Variants in DROSHA observed in about 807,000 individuals in gnomAD.
DROSHA encodes drosha ribonuclease III.
In DROSHA, 56 loss-of-function variants were observed where a neutral mutation model predicts 181.9. The observed-to-expected ratio is 0.31, with a 90% CI of 0.25 to 0.38. The LOEUF (loss-of-function observed/expected upper bound fraction) is 0.38. Ranked by LOEUF, DROSHA falls within the 10% of genes least tolerant of loss-of-function variation. DROSHA has a pLI of 1.00. For synonymous variants in DROSHA, 524 were observed against 591.2 expected (o/e 0.89, Z 1.65); for missense variants, 1,218 against 1,743.5 (o/e 0.70, Z 5.37).
chr5:31,484,052 A>C (rs1751389786), intron 15 of DROSHA, among the ~76,000 whole-genome samples: 2 of 152,186 alleles, frequency 1.3e-5, no homozygotes, highest in African/African-American at 2.4e-5. Flanking sequence ...TTCACCAATA[A>C]ATAAGTAACT....
At chr5:31,529,387 A>G (rs796776578) in intron 3 of DROSHA, among the ~76,000 whole-genome samples, 4 of 152,328 alleles carry the variant, frequency 2.6e-5, no homozygotes, top group African/African-American at 9.6e-5. Flanking sequence ...AAGACTTGGG[A>G]AAAATATCAT....
At chr5:31,410,936 C>T in intron 30 of DROSHA, 49 bp from the exon 31 acceptor site, 1 of 1,606,342 alleles carries the variant, frequency 6.2e-7, no homozygotes, top group Non-Finnish European at 8.5e-7. Context: ...CACTTTTGAC[C>T]TCTCTTATTC....
intron 9 of DROSHA, among the ~76,000 whole-genome samples, chr5:31,509,277 T>A (rs1738382971): frequency 6.8e-6 from 1 of 148,132 alleles, no homozygotes; most frequent in Non-Finnish European, 1.5e-5. Flanking sequence ...TAATGCTAAG[T>A]CACAATCTAG....
intron 23 of DROSHA, 123 bp from the exon 24 acceptor site, chr5:31,437,421 T>G: frequency 4.9e-6 from 4 of 814,320 alleles, no homozygotes; most frequent in Non-Finnish European, 5.6e-6. Flanking sequence ...ACCTTCCCTA[T>G]TCCTCATAAT....
chr5:31,401,052 G>A lies in DROSHA; in HGVS notation c.*380C>T, dbSNP rs1739948783. 3.8e-6 allele frequency: 1 copy of A among 262,660 alleles called. No individual in the cohort carries two copies. Among genetic ancestry groups the A allele is most frequent in the Non-Finnish European group, 7.5e-6 (1 of 132,796 alleles). 16.3% of individuals were successfully genotyped at this position (262,660 alleles called of 1,614,324 possible). On this transcript the variant is annotated 3_prime_UTR_variant, in exon 36 of 36. Coordinates refer to ENST00000344624, the MANE Select transcript of DROSHA (RefSeq NM_001382508.1). ...AAAGGATAGATGTTACTAGAGCACA[G>A]TCAAAATGTCTAGTAAAGTCAATTT...
At chr5:31,526,941 GT>G (rs1561302474) in intron 4 of DROSHA, 29 bp from the exon 5 acceptor site, 1 of 1,585,156 alleles carries the variant, frequency 6.3e-7, no homozygotes. Flanking sequence ...AAAGGGAAAA[GT>G]TTTTTTAAAA....
chr5:31,529,460 G>C (rs1740965567), intron 3 of DROSHA, among the ~76,000 whole-genome samples: 1 of 152,124 alleles, frequency 6.6e-6, no homozygotes, highest in African/African-American at 2.4e-5. Context: ...CATAGGCCGG[G>C]CATGGTAGTT....
In DROSHA at chr5:31,401,282, G is replaced by T; in HGVS notation, c.*150C>A. On this transcript the variant is annotated 3_prime_UTR_variant, in exon 36 of 36. Coordinates refer to ENST00000344624, the MANE Select transcript of DROSHA (RefSeq NM_001382508.1). Reference sequence around the variant, plus strand: ...AATAAAGACCATCCAGCTAAAAACAGATCATTAAAACAACAATAGCGATTT... The same window carrying T: ...AATAAAGACCATCCAGCTAAAAACATATCATTAAAACAACAATAGCGATTT... The T allele has an allele frequency of 9.0e-7, 1 of 1,107,418 alleles. No homozygotes were observed. Among genetic ancestry groups the T allele is most frequent in the Non-Finnish European group, 1.3e-6 (1 of 744,960 alleles). 68.6% of individuals were successfully genotyped at this position (1,107,418 alleles called of 1,614,324 possible).
At chr5:31,434,297 C>T (rs1464687227) in intron 25 of DROSHA, among the ~76,000 whole-genome samples, 1 of 152,184 alleles carries the variant, frequency 6.6e-6, no homozygotes, top group Non-Finnish European at 1.5e-5. Flanking sequence ...AAACTAAAAA[C>T]AATAAGGAAT....
In DROSHA at chr5:31,470,461, A is replaced by AC. The variant is rs72509621; in HGVS notation, c.2241+1601dup. Among the ~76,000 whole-genome samples the AC allele has an allele frequency of 0.018, 2,667 of 152,020 alleles. 81 individuals carry two copies. The highest frequency in any genetic ancestry group is 0.049 in the African/African-American group (2,020 of 41,444). The stretch of plus-strand genomic sequence containing the variant: ...TGCAAAAATAGTTGCGGTATGGCAG[A>AC]CCCCCGCAACTACTTTTGTGCCAGC... On this transcript the variant is annotated intron_variant, in intron 17 of 35. Transcript: ENST00000344624. This position sits in a 1 kb window ranked among gnomAD's most constrained non-coding sequence, Gnocchi z 4.0.
At chr5:31,483,454 T>C (rs905843408) in intron 16 of DROSHA, 100 bp downstream of exon 16, 4 of 1,120,622 alleles carry the variant, frequency 3.6e-6, no homozygotes, top group Admixed American at 4.2e-5. Context: ...ATTAACAGTA[T>C]CGAAGGTGGG....
intron 26 of DROSHA, among the ~76,000 whole-genome samples, chr5:31,430,965 G>A (rs113696429): frequency 3.8e-4 from 58 of 152,182 alleles, no homozygotes; most frequent in African/African-American, 1.4e-3. Flanking sequence ...ACTTGCAGTC[G>A]CCAGCTAATT....
Position 31,526,332 on chromosome 5 carries a change from T to C in DROSHA, c.601A>G (p.Ser201Gly). Residue 201 changes from serine (S) to glycine (G), a missense_variant, in exon 5 of 36, where the codon AGT becomes GGT. Physicochemically the swap from Ser to Gly is moderately conservative, Grantham distance 56. Transcript: ENST00000344624. ...GGAGGGAGATGTCTGAAATGAGGAC[T>C]ACTGCTGTTATTAGCACTGGGCAGG... ...SFLPSANNSS[S>G]PHFRHLPPYP... 2 of 1,613,882 alleles carry C rather than the reference T, an allele frequency of 1.2e-6. No individual in the cohort carries two copies. The highest frequency in any genetic ancestry group is 1.7e-6 in the Non-Finnish European group (2 of 1,179,872).
At chr5:31,497,143 G>C (rs1437993659) in intron 11 of DROSHA, among the ~76,000 whole-genome samples, 1 of 152,210 alleles carries the variant, frequency 6.6e-6, no homozygotes, top group Non-Finnish European at 1.5e-5. Context: ...GGGGTACGTG[G>C]CACCCAGCAG....
intron 21 of DROSHA, 34 bp downstream of exon 21, chr5:31,451,499 T>C: frequency 6.5e-7 from 1 of 1,541,212 alleles, no homozygotes. Flanking sequence ...TCCTATCTTG[T>C]TATTATGTGA....
chr5:31,451,887 C>T (rs1034424720), intron 20 of DROSHA, among the ~76,000 whole-genome samples: 1 of 152,174 alleles, frequency 6.6e-6, no homozygotes, highest in Non-Finnish European at 1.5e-5. Flanking sequence ...CACTGTGTGA[C>T]CTGGGGCAAG....
At chr5:31,429,573 G>C in intron 26 of DROSHA, 28 bp from the exon 27 acceptor site, 3 of 1,594,474 alleles carry the variant, frequency 1.9e-6, no homozygotes, top group Non-Finnish European at 2.6e-6. Flanking sequence ...AATGCCAAAA[G>C]AGAGTCTCCA....
At position 31,403,716 on chromosome 5, in the gene DROSHA, T is replaced by C. The variant is rs563616098; in HGVS notation, c.3994+1961A>G. ...TAGACACATCCATTAGTTTGCACAC[T>C]ATCCAGGCCAGTGGGCTGCAATGGC... On this transcript the variant is annotated intron_variant, in intron 35 of 35. Coordinates refer to ENST00000344624, the MANE Select transcript of DROSHA (RefSeq NM_001382508.1). 8.5e-5 allele frequency among the ~76,000 whole-genome samples: 13 copies of C among 152,286 alleles called. No homozygotes were observed. In the South Asian group the frequency reaches 2.3e-3, roughly 27 times the overall value.
intron 5 of DROSHA, among the ~76,000 whole-genome samples, chr5:31,522,394 G>A (rs1739992556): frequency 6.6e-6 from 1 of 151,834 alleles, no homozygotes; most frequent in Admixed American, 6.6e-5. Flanking sequence ...CACGGCTGTT[G>A]AAAAAAATAA....
Sources: gnomAD v4.1 joint callset for allele counts (sites outside exome capture counted in the v4.1 genomes callset) on GRCh38, gnomAD v4.1.1 for gene constraint, Gnocchi (gnomAD v3.1) non-coding constraint, MANE v1.5 for transcripts, NCBI Gene and HGNC (gene_info 2026-07-23, HGNC 2026-07-21) for gene names.